Variants in MYO6 observed in about 807,000 individuals in gnomAD.
MYO6 encodes the protein unconventional myosin-VI.
MYO6 carries 74 observed loss-of-function variants against 178.7 expected under a neutral mutation model. That is an observed-to-expected ratio of 0.41 (90% CI 0.34 to 0.50). MYO6 has a LOEUF of 0.50. Among genes scored for constraint, MYO6 ranks in the 20% least tolerant of loss-of-function variants. The pLI, the probability that MYO6 is intolerant of heterozygous loss-of-function variation, is 0.09. For synonymous variants in MYO6, 477 were observed against 504.6 expected (o/e 0.95, Z 0.73); for missense variants, 1,330 against 1,547.4 (o/e 0.86, Z 2.36).
In MYO6 at chr6:75,796,240, C is replaced by A. The variant is rs73751012; in HGVS notation, c.-47-21261C>A. 4.5e-3 allele frequency among the ~76,000 whole-genome samples: 684 copies of A among 152,292 alleles called. 7 individuals carry two copies. The highest frequency in any genetic ancestry group is 0.016 in the African/African-American group (655 of 41,560). ...TATGCATATCTAATTAGGTGACCCT[C>A]AGTTGTCTGTAGAATAGAGTTAAGG... is the stretch of plus-strand genomic sequence containing the variant. On this transcript the variant is annotated intron_variant, in intron 1 of 34. Coordinates refer to ENST00000369977, the MANE Select transcript of MYO6 (RefSeq NM_004999.4).
At chr6:75,809,048 C>T (rs766646285) in intron 1 of MYO6, among the ~76,000 whole-genome samples, 2 of 152,164 alleles carry the variant, frequency 1.3e-5, no homozygotes, top group African/African-American at 2.4e-5. Context: ...ATGAGATATG[C>T]GTTTGTCTCA....
intron 22 of MYO6, among the ~76,000 whole-genome samples, chr6:75,880,980 T>C (rs891735029): frequency 6.6e-6 from 1 of 152,220 alleles, no homozygotes; most frequent in Admixed American, 6.5e-5. Context: ...GGTTGGGCGC[T>C]GTGGCTCACG....
At chr6:75,800,306 A>G (rs1179075125) in intron 1 of MYO6, among the ~76,000 whole-genome samples, 1 of 152,208 alleles carries the variant, frequency 6.6e-6, no homozygotes, top group Non-Finnish European at 1.5e-5. Context: ...TCCCAACACA[A>G]TTAAGAGGAG....
intron 1 of MYO6, among the ~76,000 whole-genome samples, chr6:75,796,542 G>A (rs989400685): frequency 6.6e-6 from 1 of 152,006 alleles, no homozygotes; most frequent in Non-Finnish European, 1.5e-5. Flanking sequence ...CTCAGGTGGT[G>A]AGGACAGTAC....
intron 10 of MYO6, 94 bp from the exon 11 acceptor site, chr6:75,848,257 C>A: frequency 8.9e-7 from 1 of 1,125,874 alleles, no homozygotes; most frequent in Non-Finnish European, 1.3e-6. Context: ...TTTATTTTTG[C>A]ATGTTATATA....
chr6:75,841,101 T>C, intron 8 of MYO6, 113 bp from the exon 9 acceptor site: 1 of 1,051,102 alleles, frequency 9.5e-7, no homozygotes, highest in South Asian at 1.4e-5. Context: ...GTGAATATTA[T>C]AACCTCTTTG....
rs765744831 is a variant in MYO6, at chr6:75,879,839, C to T, written c.2097C>T (p.Asp699=). 3.7e-6 allele frequency: 6 copies of T among 1,614,098 alleles called. No individual in the cohort carries two copies. Among genetic ancestry groups the T allele is most frequent in the Non-Finnish European group, 4.2e-6 (5 of 1,180,004 alleles). Residue 699 remains aspartate, a synonymous_variant, in exon 21 of 35, where the codon GAC becomes GAT. Transcript: ENST00000369977. Reference sequence around the variant, plus strand: ...ATCTAGGGATGGTGTCTGTTTTGGACTTGATGCAGGGTGGTTACCCATCAC... The same window carrying T: ...ATCTAGGGATGGTGTCTGTTTTGGATTTGATGCAGGGTGGTTACCCATCAC... ...LQCSGMVSVL[D]LMQGGYPSRA...
chr6:75,780,912 A>G (rs1258072710), intron 1 of MYO6, among the ~76,000 whole-genome samples: 1 of 151,386 alleles, frequency 6.6e-6, no homozygotes, highest in Non-Finnish European at 1.5e-5. Flanking sequence ...GGTTCAAGTG[A>G]TTCTCCTGCC....
intron 2 of MYO6, 101 bp downstream of exon 2, chr6:75,817,765 G>T: frequency 9.6e-7 from 1 of 1,038,020 alleles, no homozygotes. Context: ...AGATATTTGG[G>T]AAAGCATATT....
At chr6:75,845,025 A>G (rs755407562) in intron 10 of MYO6, 48 bp downstream of exon 10, 1 of 1,400,228 alleles carries the variant, frequency 7.1e-7, no homozygotes, top group Non-Finnish European at 1.0e-6. Flanking sequence ...AAAAAAACTC[A>G]TGCTGAAAGA....
At chr6:75,769,549 T>G (rs1037684948) in intron 1 of MYO6, among the ~76,000 whole-genome samples, 2 of 152,344 alleles carry the variant, frequency 1.3e-5, no homozygotes, top group African/African-American at 4.8e-5. Flanking sequence ...GGCACACTGG[T>G]GCAAGTCGTG....
chr6:75,774,157 A>G (rs1370057820), intron 1 of MYO6, among the ~76,000 whole-genome samples: 1 of 152,226 alleles, frequency 6.6e-6, no homozygotes, highest in Non-Finnish European at 1.5e-5. Context: ...TTCATAGTCC[A>G]AAGCAAATAG....
chr6:75,812,022 T>A (rs973562204), intron 1 of MYO6, among the ~76,000 whole-genome samples: 2 of 152,084 alleles, frequency 1.3e-5, no homozygotes, highest in Admixed American at 1.3e-4. Flanking sequence ...CTGTTTTTTG[T>A]TTTTTGTTTT....
Position 75,860,726 on chromosome 6 carries a change from A to G in MYO6, c.1474-297A>G, listed in dbSNP as rs193216531. On this transcript the variant is annotated intron_variant, in intron 14 of 34. Transcript: ENST00000369977. ...GACACAAGACATATTTGAGGACTCA[A>G]ATTTGATCATATATTGTTCTTCTAA... Among the ~76,000 whole-genome samples, 7 of 152,332 alleles carry G rather than the reference A, an allele frequency of 4.6e-5. No individual in the cohort carries two copies. In the East Asian group the frequency reaches 5.8e-4, roughly 13 times the overall value.
chr6:75,879,882 C>T lies in MYO6; in HGVS notation c.2140C>T (p.Leu714Phe). The T allele has an allele frequency of 6.2e-7, 1 of 1,614,078 alleles. No homozygotes were observed. The highest frequency in any genetic ancestry group is 8.5e-7 in the Non-Finnish European group (1 of 1,179,988). The change falls in exon 21 of 35, where the codon CTC becomes TTC. Residue 714 changes from leucine (L) to phenylalanine (F), a missense_variant. Coordinates refer to ENST00000369977, the MANE Select transcript of MYO6 (RefSeq NM_004999.4). ...GYPSRASFHELYNMYKKYMPD... is the reference protein window; with the variant it reads ...GYPSRASFHEFYNMYKKYMPD... ...CCCATCACGAGCTTCATTTCATGAA[C>T]TCTACAACATGTACAAAAAGTATAT...
At chr6:75,901,049 T>C (rs186428078) in intron 30 of MYO6, among the ~76,000 whole-genome samples, 2 of 152,236 alleles carry the variant, frequency 1.3e-5, no homozygotes, top group South Asian at 2.1e-4. Context: ...GTTGTAGATA[T>C]ATGGCGTTAT....
chr6:75,855,383 A>G (rs1210070202), intron 12 of MYO6, 100 bp downstream of exon 12: 3 of 1,173,392 alleles, frequency 2.6e-6, no homozygotes, highest in African/African-American at 3.1e-5. Context: ...TTGGTAGATC[A>G]AAATTCTCTA....
intron 1 of MYO6, among the ~76,000 whole-genome samples, chr6:75,813,425 A>G (rs998067387): frequency 3.3e-5 from 5 of 152,166 alleles, no homozygotes; most frequent in Non-Finnish European, 5.9e-5. Flanking sequence ...CTGCTTTAGA[A>G]CAGTGGGCTC....
At chr6:75,911,641 C>G in intron 32 of MYO6, 31 bp from the exon 33 acceptor site, 1 of 1,596,988 alleles carries the variant, frequency 6.3e-7, no homozygotes, top group Non-Finnish European at 8.6e-7. Flanking sequence ...GCATTTTTAT[C>G]TTTTCTTCAA....
Sources: gnomAD v4.1 joint callset for allele counts (sites outside exome capture counted in the v4.1 genomes callset) on GRCh38, gnomAD v4.1.1 for gene constraint, MANE v1.5 for transcripts, NCBI Gene and HGNC (gene_info 2026-07-23, HGNC 2026-07-21) for gene names.